COL7A1: variants seen among roughly 807,000 people sequenced by gnomAD.
The protein encoded by COL7A1 is collagen type VII alpha 1 chain.
In COL7A1, 296 loss-of-function variants were observed where a neutral mutation model predicts 456.2. The ratio of observed to expected loss-of-function variants is 0.65; its 90% CI spans 0.59 to 0.71. COL7A1 has a LOEUF of 0.71. Ranked by LOEUF, COL7A1 falls within the 30% of genes least tolerant of loss-of-function variation. The pLI is 0.00. For missense variants in COL7A1, 3,441 were observed against 4,017.2 expected, an observed-to-expected ratio of 0.86 and a Z score of 3.88; for synonymous variants, 1,464 against 1,525.9, an observed-to-expected ratio of 0.96 and a Z score of 0.95.
At position 48,569,583 on chromosome 3, in the gene COL7A1, C is replaced by A. The variant is rs377591174; in HGVS notation, c.7614+9G>T. On this transcript the variant is annotated intron_variant, in intron 102 of 118. Coordinates refer to ENST00000681320, the MANE Select transcript of COL7A1 (RefSeq NM_000094.4). The surrounding 1 kb of genome is among the most constrained non-coding windows in gnomAD (Gnocchi z 4.9). ...AGGGGAGACCCAGTCCACACGTGGG[C>A]CCACTCACCATGTCCCCCTTGGCAC... The A allele has an allele frequency of 6.2e-7, 1 of 1,613,708 alleles. No individual in the cohort carries two copies. The highest frequency in any genetic ancestry group is 8.5e-7 in the Non-Finnish European group (1 of 1,179,798).
In COL7A1 at chr3:48,586,607, C is replaced by T. The variant is rs2228563; in HGVS notation, c.3359G>A (p.Arg1120Lys). The change falls in exon 26 of 119, where the codon AGG becomes AAG. Residue 1120 changes from arginine (R) to lysine (K), a missense_variant. Arg to Lys is a conservative substitution (Grantham distance 26, BLOSUM62 2). Around this residue, in one of 3 missense-constraint regions of COL7A1, gnomAD observed 444 missense variants for 427.6 expected, o/e 1.04. Transcript: ENST00000681320. This position sits in a 1 kb window ranked among gnomAD's most constrained non-coding sequence, Gnocchi z 5.1. Reference sequence around the variant, plus strand: ...GTCCATGTAGGGCATGTCACGGATCCTTTGCAAGATAATGCCAAGGTCATG... The same window carrying T: ...GTCCATGTAGGGCATGTCACGGATCTTTTGCAAGATAATGCCAAGGTCATG... The part of the protein sequence containing the change: ...GSHDLGIILQ[R>K]IRDMPYMDPS... 5,942 of 1,613,756 alleles carry T rather than the reference C, an allele frequency of 3.7e-3. 16 individuals carry two copies. The highest frequency in any genetic ancestry group is 4.2e-3 in the Non-Finnish European group (4,990 of 1,180,030).
Position 48,572,346 on chromosome 3 carries a change from C to G in COL7A1, c.6978+34G>C. 1 of 1,614,140 alleles carries G rather than the reference C, an allele frequency of 6.2e-7. No homozygotes were observed. The highest frequency in any genetic ancestry group is 1.1e-5 in the South Asian group (1 of 91,088). On this transcript the variant is annotated intron_variant, in intron 90 of 118. Coordinates refer to ENST00000681320, the MANE Select transcript of COL7A1 (RefSeq NM_000094.4). This position sits in a 1 kb window ranked among gnomAD's most constrained non-coding sequence, Gnocchi z 4.6. ...TTAGGCCACTGGAGAGACAGGACCCCCAGAACATCTGCTGTCAGAAGTTCC... is the reference window on the plus strand; with the variant it reads ...TTAGGCCACTGGAGAGACAGGACCCGCAGAACATCTGCTGTCAGAAGTTCC...
rs1401327491 is a variant in COL7A1 at position 48,573,257 on chromosome 3, G to A, written c.6652-21C>T. The A allele has an allele frequency of 6.2e-7, 1 of 1,614,060 alleles. No individual in the cohort carries two copies. The highest frequency in any genetic ancestry group is 2.2e-5 in the East Asian group (1 of 44,882). ...AGGCCCTGGAGGAAGAGAAAGTTCA[G>A]GGCAGTGCCAACCCCACCCATCTCC... On this transcript the variant is annotated intron_variant, in intron 84 of 118. Transcript: ENST00000681320. The surrounding 1 kb of genome is among the most constrained non-coding windows in gnomAD (Gnocchi z 5.5).
Position 48,581,001 on chromosome 3 carries a change from G to C in COL7A1, c.4936-75C>G. 1 of 1,604,820 alleles carries C rather than the reference G, an allele frequency of 6.2e-7. No individual in the cohort carries two copies. Among genetic ancestry groups the C allele is most frequent in the African/African-American group, 1.3e-5 (1 of 74,848 alleles). On this transcript the variant is annotated intron_variant, in intron 53 of 118. Coordinates refer to ENST00000681320, the MANE Select transcript of COL7A1 (RefSeq NM_000094.4). The surrounding 1 kb of genome is among the most constrained non-coding windows in gnomAD (Gnocchi z 5.8). ...TCACTCAGGGAGAGGGGACAGAGAA[G>C]GGTCTGAGCAGCAGCTGGACAGGAG...
rs947065516 is a variant in COL7A1, at chr3:48,581,529, C to T, written c.4782+44G>A. On this transcript the variant is annotated intron_variant, in intron 50 of 118. Coordinates refer to ENST00000681320, the MANE Select transcript of COL7A1 (RefSeq NM_000094.4). This position sits in a 1 kb window ranked among gnomAD's most constrained non-coding sequence, Gnocchi z 5.8. ...GCAGGACTTAGTCAGGGTCCCACCACCTCATCTCCCTCTGTCACACTCCCC... is the reference window on the plus strand; with the variant it reads ...GCAGGACTTAGTCAGGGTCCCACCATCTCATCTCCCTCTGTCACACTCCCC... 1.2e-6 allele frequency: 2 copies of T among 1,614,134 alleles called. No individual in the cohort carries two copies. The highest frequency in any genetic ancestry group is 3.3e-5 in the Admixed American group (2 of 60,010).
chr3:48,592,823 G>A lies in COL7A1; in HGVS notation c.798C>T (p.Tyr266=), dbSNP rs754825515. 3 of 1,613,836 alleles carry A rather than the reference G, an allele frequency of 1.9e-6. No homozygotes were observed. The highest frequency in any genetic ancestry group is 2.2e-5 in the East Asian group (1 of 44,890). The change falls in exon 7 of 119, where the codon TAC becomes TAT. Residue 266 remains tyrosine (Y), a synonymous_variant. Transcript: ENST00000681320. This position sits in a 1 kb window ranked among gnomAD's most constrained non-coding sequence, Gnocchi z 7.6. ...GCTGTCCCAGCCCCGTCAGAGGAGT[G>A]TACTGGACCTTGTAGCCAGTCACAG... ...SGPVTGYKVQ[Y]TPLTGLGQPL... is the part of the protein sequence containing the mutation.
Position 48,592,195 on chromosome 3 carries a change from G to T in COL7A1, c.1147C>A (p.Arg383Ser). Reference protein sequence around the residue: ...LGPGQGSVLLRDLEPGTDYEV... With the variant: ...LGPGQGSVLLSDLEPGTDYEV... Reference sequence around the variant, plus strand: ...TAGTCCGTGCCAGGCTCCAAGTCACGCAGCAACACTGAACCCTGCCCAGGG... The same window carrying T: ...TAGTCCGTGCCAGGCTCCAAGTCACTCAGCAACACTGAACCCTGCCCAGGG... Residue 383 changes from arginine to serine, a missense_variant, in exon 10 of 119, where the codon CGT (arginine) becomes AGT (serine). This residue lies in a region of COL7A1 where 913 missense variants were observed against 1,088.2 expected (regional missense o/e 0.84). Coordinates refer to ENST00000681320, the MANE Select transcript of COL7A1 (RefSeq NM_000094.4). The surrounding 1 kb of genome is among the most constrained non-coding windows in gnomAD (Gnocchi z 7.6). 1 of 1,614,088 alleles carries T rather than the reference G, an allele frequency of 6.2e-7. No homozygotes were observed. Among genetic ancestry groups the T allele is most frequent in the South Asian group, 1.1e-5 (1 of 91,086 alleles).
Position 48,583,659 on chromosome 3 carries a change from G to T in COL7A1, c.4342-44C>A, listed in dbSNP as rs770343317. 2 of 1,613,520 alleles carry T rather than the reference G, an allele frequency of 1.2e-6. No homozygotes were observed. The highest frequency in any genetic ancestry group is 1.1e-5 in the South Asian group (1 of 91,080). On this transcript the variant is annotated intron_variant, in intron 40 of 118. Transcript: ENST00000681320. This position sits in a 1 kb window ranked among gnomAD's most constrained non-coding sequence, Gnocchi z 5.1. ...GGTGGGAAGACCGAAGGGAGGCCCT[G>T]CCCCCAGCACGCAGCCTCCCACCCC...
In COL7A1 at chr3:48,588,602, C is replaced by A; in HGVS notation, c.2587+40G>T. ...CAAGCCCGGATCCCCAAACCATCCACACCACCCATCCGAAGCTCTCCAGCG... is the reference window on the plus strand; with the variant it reads ...CAAGCCCGGATCCCCAAACCATCCAAACCACCCATCCGAAGCTCTCCAGCG... On this transcript the variant is annotated intron_variant, in intron 20 of 118. Coordinates refer to ENST00000681320, the MANE Select transcript of COL7A1 (RefSeq NM_000094.4). This position sits in a 1 kb window ranked among gnomAD's most constrained non-coding sequence, Gnocchi z 4.6. The A allele has an allele frequency of 6.2e-7, 1 of 1,613,700 alleles. No homozygotes were observed. Among genetic ancestry groups the A allele is most frequent in the South Asian group, 1.1e-5 (1 of 91,088 alleles).
rs1369250455 is a variant in COL7A1, at chr3:48,585,161, G to A, written c.3895-45C>T. ...AGGACAGGAAGGGACCCTCCCCCAAGGCCCCTGGTTTGCTGGAGGGGCCTC... is the reference window on the plus strand; with the variant it reads ...AGGACAGGAAGGGACCCTCCCCCAAAGCCCCTGGTTTGCTGGAGGGGCCTC... On this transcript the variant is annotated intron_variant, in intron 32 of 118. Transcript: ENST00000681320. This position sits in a 1 kb window ranked among gnomAD's most constrained non-coding sequence, Gnocchi z 4.5. 1 of 1,596,500 alleles carries A rather than the reference G, an allele frequency of 6.3e-7. No individual in the cohort carries two copies. Among genetic ancestry groups the A allele is most frequent in the East Asian group, 2.2e-5 (1 of 44,548 alleles).
chr3:48,595,239 C>T (rs2046001742), intron 1 of COL7A1, 29 bp downstream of exon 1: 7 of 1,218,286 alleles, frequency 5.7e-6, no homozygotes, highest in Non-Finnish European at 8.2e-6. Flanking sequence ...CCGAGCCCAG[C>T]GCCCCTCCAG....
Position 48,589,686 on chromosome 3 carries a change from T to A in COL7A1, c.2083A>T (p.Thr695Ser), listed in dbSNP as rs2045554563. 2 of 1,613,776 alleles carry A rather than the reference T, an allele frequency of 1.2e-6. No individual in the cohort carries two copies. Among genetic ancestry groups the A allele is most frequent in the African/African-American group, 1.3e-5 (1 of 74,798 alleles). The change falls in exon 17 of 119, where the codon ACT (threonine) becomes TCT (serine). Residue 695 changes from threonine (T) to serine (S), a missense_variant. By Grantham distance (58) the Thr-to-Ser change is moderately conservative. Around this residue, in one of 3 missense-constraint regions of COL7A1, gnomAD observed 913 missense variants for 1,088.2 expected, o/e 0.84. Coordinates refer to ENST00000681320, the MANE Select transcript of COL7A1 (RefSeq NM_000094.4). ...PLGPVRTVHVTQASSSSVTIT... is the reference protein window; with the variant it reads ...PLGPVRTVHVSQASSSSVTIT... ...GTGACAGATGAGCTGCTGGCCTGAGTCACATGGACCGTCCTCACTGGGCCC... is the reference window on the plus strand; with the variant it reads ...GTGACAGATGAGCTGCTGGCCTGAGACACATGGACCGTCCTCACTGGGCCC...
chr3:48,568,175 C>T lies in COL7A1; in HGVS notation c.7795-5G>A, dbSNP rs2107637454. On this transcript the variant is annotated splice_polypyrimidine_tract_variant and splice_region_variant and intron_variant, in intron 105 of 118. Transcript: ENST00000681320. The surrounding 1 kb of genome is among the most constrained non-coding windows in gnomAD (Gnocchi z 5.2). ...TCCATCCTTTCCTGGGGATCCCTAG[C>T]AGGGAGAGGGTCCATGTGAGGTCAG... is the stretch of plus-strand genomic sequence containing the variant. The T allele has an allele frequency of 6.2e-7, 1 of 1,612,694 alleles. No homozygotes were observed. The highest frequency in any genetic ancestry group is 8.5e-7 in the Non-Finnish European group (1 of 1,179,990).
Position 48,571,912 on chromosome 3 carries a change from AGACATGTGCCCCG to A in COL7A1, c.7068+76_7068+88del, listed in dbSNP as rs1160167433. 6.7e-7 allele frequency: 1 copy of A among 1,499,944 alleles called. No individual in the cohort carries two copies. Among genetic ancestry groups the A allele is most frequent in the Non-Finnish European group, 9.1e-7 (1 of 1,094,516 alleles). 92.9% of individuals were successfully genotyped at this position (1,499,944 alleles called of 1,614,324 possible). On this transcript the variant is annotated intron_variant, in intron 92 of 118. Transcript: ENST00000681320. The surrounding 1 kb of genome is among the most constrained non-coding windows in gnomAD (Gnocchi z 4.6). ...GACATGCAGCCCGACTCAGGGGCTC[AGACATGTGCCCCG>A]GCCCAAGAGTGGCCCCTTATGCCCG... is the stretch of plus-strand genomic sequence containing the variant.
chr3:48,572,312 G>A lies in COL7A1; in HGVS notation c.6978+68C>T, dbSNP rs371200432. On this transcript the variant is annotated intron_variant, in intron 90 of 118. Coordinates refer to ENST00000681320, the MANE Select transcript of COL7A1 (RefSeq NM_000094.4). The surrounding 1 kb of genome is among the most constrained non-coding windows in gnomAD (Gnocchi z 4.6). Reference sequence around the variant, plus strand: ...GAGGGTGGGTAAACTATGGGTCGAAGGTCAGAAGTTAGGCCACTGGAGAGA... The same window carrying A: ...GAGGGTGGGTAAACTATGGGTCGAAAGTCAGAAGTTAGGCCACTGGAGAGA... 2 of 1,613,284 alleles carry A rather than the reference G, an allele frequency of 1.2e-6. No individual in the cohort carries two copies. The highest frequency in any genetic ancestry group is 1.6e-4 in the Middle Eastern group (1 of 6,084).
Position 48,566,457 on chromosome 3 carries a change from A to G in COL7A1, c.8358+53T>C. 3 of 1,607,958 alleles carry G rather than the reference A, an allele frequency of 1.9e-6. No individual in the cohort carries two copies. The South Asian group carries it at 3.3e-5, about 18-fold the overall frequency. On this transcript the variant is annotated intron_variant, in intron 113 of 118. Transcript: ENST00000681320. The surrounding 1 kb of genome is among the most constrained non-coding windows in gnomAD (Gnocchi z 5.9). ...TGCTGGGTGAGGGAGGTAGGGCCCC[A>G]GCCCACCCAGGCCCACCCAGGCCCT...
Position 48,566,891 on chromosome 3 carries a change from AG to A in COL7A1, c.8226+15del. 3 of 1,592,410 alleles carry A rather than the reference AG, an allele frequency of 1.9e-6. No homozygotes were observed. The highest frequency in any genetic ancestry group is 2.6e-6 in the Non-Finnish European group (3 of 1,167,038). On this transcript the variant is annotated intron_variant, in intron 111 of 118. Transcript: ENST00000681320. The surrounding 1 kb of genome is among the most constrained non-coding windows in gnomAD (Gnocchi z 5.9). ...GGAAGGTTCAGGGATCAGGAGTCAG[AG>A]CTGGGGCCCCTTACCTTCTGGCCCT...
rs2043670138 is a variant in COL7A1, at chr3:48,567,728, T to C, written c.7965A>G (p.Ala2655=). 6.2e-7 allele frequency: 1 copy of C among 1,614,060 alleles called. No homozygotes were observed. The highest frequency in any genetic ancestry group is 1.3e-5 in the African/African-American group (1 of 74,998). Residue 2655 remains alanine, a synonymous_variant, in exon 108 of 119, where the codon GCA becomes GCG. Coordinates refer to ENST00000681320, the MANE Select transcript of COL7A1 (RefSeq NM_000094.4). This position sits in a 1 kb window ranked among gnomAD's most constrained non-coding sequence, Gnocchi z 4.3. ...CACTCACCATCTCTCCTTTGTGTCC[T>C]GCCAGCCCGGGGCGGCCTGGGGGAC... is the stretch of plus-strand genomic sequence containing the variant. ...EAGPPGRPGL[A]GHKGEMGEPG...
In COL7A1 at chr3:48,595,161, C is replaced by G. The variant is rs2045995197; in HGVS notation, c.-1-1G>C. On this transcript the variant is annotated splice_acceptor_variant, in intron 1 of 118. Coordinates refer to ENST00000681320, the MANE Select transcript of COL7A1 (RefSeq NM_000094.4). LOFTEE classifies it low-confidence loss of function (5UTR_SPLICE). Reference sequence around the variant, plus strand: ...GGCCACCAGAAGCCGCAGCGTCATCCTAGGCAGTAAAAGCCGTCAGCTAGG... The same window carrying G: ...GGCCACCAGAAGCCGCAGCGTCATCGTAGGCAGTAAAAGCCGTCAGCTAGG... 1 of 1,551,466 alleles carries G rather than the reference C, an allele frequency of 6.4e-7. No individual in the cohort carries two copies. The highest frequency in any genetic ancestry group is 8.7e-7 in the Non-Finnish European group (1 of 1,147,516).
Sources: gnomAD v4.1 joint callset for allele counts on GRCh38, gnomAD v4.1.1 for gene constraint, gnomAD v4.1.1 regional missense constraint, Gnocchi (gnomAD v3.1) non-coding constraint, MANE v1.5 for transcripts, NCBI Gene and HGNC (gene_info 2026-07-23, HGNC 2026-07-21) for gene names.